ZBTB8A: variants seen among roughly 807,000 people sequenced by gnomAD.
ZBTB8A encodes the protein zinc finger and BTB domain-containing protein 8A.
A neutral mutation model predicts 37.8 loss-of-function variants in ZBTB8A; 19 were observed. The ratio of observed to expected loss-of-function variants is 0.50; its 90% CI spans 0.35 to 0.74. The LOEUF is 0.74. Ranked by LOEUF, ZBTB8A falls within the 30% of genes least tolerant of loss-of-function variation. ZBTB8A has a pLI of 0.01. For missense variants in ZBTB8A, 394 were observed against 537.8 expected (o/e 0.73, Z 2.65); for synonymous variants, 181 against 185.2 (o/e 0.98, Z 0.19).
In ZBTB8A at chr1:32,595,230, A is replaced by G. The variant is rs1644520991; in HGVS notation, c.993+7A>G. The G allele has an allele frequency of 6.3e-7, 1 of 1,598,316 alleles. No individual in the cohort carries two copies. Among genetic ancestry groups the G allele is most frequent in the South Asian group, 1.1e-5 (1 of 89,162 alleles). On this transcript the variant is annotated splice_region_variant and intron_variant, in intron 4 of 4. Transcript: ENST00000373510. ...AAGTAGCCATTTTCGAACAGTATGT[A>G]TGATTTTTTTTCATCGTTTTACTAA...
At position 32,568,974 on chromosome 1, in the gene ZBTB8A, A is replaced by G. The variant is rs78869290; in HGVS notation, c.-2+15434A>G. Among the ~76,000 whole-genome samples the G allele has an allele frequency of 3.7e-3, 565 of 152,306 alleles. 7 individuals carry two copies. The East Asian group carries it at 0.043, about 12-fold the overall frequency. ...AGTCATGTGTTTTCATTTCTCTTGT[A>G]TAAATACCTAGGAGTGGAACTGCCA... On this transcript the variant is annotated intron_variant, in intron 2 of 4. Coordinates refer to ENST00000373510, the MANE Select transcript of ZBTB8A (RefSeq NM_001040441.3).
chr1:32,546,449 A>C (rs1416691051), intron 1 of ZBTB8A, among the ~76,000 whole-genome samples: 1 of 150,056 alleles, frequency 6.7e-6, no homozygotes, highest in Non-Finnish European at 1.5e-5. Context: ...GTCTCAAAAA[A>C]AAAAATAAAT....
At chr1:32,574,652 G>T (rs763168712) in intron 2 of ZBTB8A, among the ~76,000 whole-genome samples, 1 of 152,080 alleles carries the variant, frequency 6.6e-6, no homozygotes, top group African/African-American at 2.4e-5. Flanking sequence ...ATGGCTCAGG[G>T]TATGGTCTAT....
chr1:32,586,176 C>T (rs1179480929), intron 2 of ZBTB8A, among the ~76,000 whole-genome samples: 4 of 149,746 alleles, frequency 2.7e-5, no homozygotes, highest in South Asian at 2.1e-4. Context: ...CAAAATTAAC[C>T]GGGGTGGTGG....
rs777756458 is a variant in ZBTB8A at position 32,593,363 on chromosome 1, T to C, written c.432T>C (p.Gly144=). ...CAGATAAAGATGCCAATTCTAATGG[T>C]GTAGAACGTTCCTCTTTTTATAGTG... The part of the protein sequence containing the change: ...SLSDKDANSN[G]VERSSFYSGG... Residue 144 remains glycine (G), a synonymous_variant, in exon 3 of 5, where the codon GGT becomes GGC. Coordinates refer to ENST00000373510, the MANE Select transcript of ZBTB8A (RefSeq NM_001040441.3). 6 of 1,614,044 alleles carry C rather than the reference T, an allele frequency of 3.7e-6. No individual in the cohort carries two copies. The highest frequency in any genetic ancestry group is 4.5e-5 in the East Asian group (2 of 44,900).
rs111913540 is a variant in ZBTB8A at position 32,575,269 on chromosome 1, G to A, written c.-1-17662G>A. 1.3e-3 allele frequency among the ~76,000 whole-genome samples: 151 copies of A among 117,618 alleles called. 1 individual carries two copies. Among genetic ancestry groups the A allele is most frequent in the African/African-American group, 4.9e-3 (144 of 29,426 alleles). 77.2% of individuals were successfully genotyped at this position (117,618 alleles called of 152,430 possible). On this transcript the variant is annotated intron_variant, in intron 2 of 4. Coordinates refer to ENST00000373510, the MANE Select transcript of ZBTB8A (RefSeq NM_001040441.3). ...TTTGAGACAGTTTCGCTCTTTCCCCGAGGCTGGAGTGCAGTGGCACAATGT... is the reference window on the plus strand; with the variant it reads ...TTTGAGACAGTTTCGCTCTTTCCCCAAGGCTGGAGTGCAGTGGCACAATGT...
At chr1:32,585,600 G>C (rs966415922) in intron 2 of ZBTB8A, among the ~76,000 whole-genome samples, 10 of 152,128 alleles carry the variant, frequency 6.6e-5, no homozygotes, top group African/African-American at 2.4e-4. Context: ...ACATTATAAA[G>C]ATGTGAATTC....
chr1:32,553,827 G>A (rs556136349), intron 2 of ZBTB8A, among the ~76,000 whole-genome samples: 42 of 149,486 alleles, frequency 2.8e-4, no homozygotes, highest in South Asian at 1.3e-3. Flanking sequence ...TGGAGGTTGC[G>A]GTGAACCAAG....
chr1:32,600,699 C>T lies in ZBTB8A; in HGVS notation c.*280C>T. 1 of 272,918 alleles carries T rather than the reference C, an allele frequency of 3.7e-6. No individual in the cohort carries two copies. 16.9% of individuals were successfully genotyped at this position (272,918 alleles called of 1,614,324 possible). On this transcript the variant is annotated 3_prime_UTR_variant, in exon 5 of 5. Transcript: ENST00000373510. The stretch of plus-strand genomic sequence containing the variant: ...TCATTACAATCCTCTTACTTTATTC[C>T]AGAGATACCTTTTTCTTTTAATATT...
At position 32,591,825 on chromosome 1, in the gene ZBTB8A, TG is replaced by T. The variant is rs937906182; in HGVS notation, c.-1-1105del. On this transcript the variant is annotated intron_variant, in intron 2 of 4. Coordinates refer to ENST00000373510, the MANE Select transcript of ZBTB8A (RefSeq NM_001040441.3). ...TTCTAAAATCTAATAACGGTCTAGT[TG>T]TTTTTTTGTTTTTTGTTTGTTTGTT... 7.4e-4 allele frequency among the ~76,000 whole-genome samples: 113 copies of T among 152,122 alleles called. 1 individual carries two copies. The highest frequency in any genetic ancestry group is 2.5e-3 in the African/African-American group (104 of 41,506).
chr1:32,559,523 G>A (rs1457261048), intron 2 of ZBTB8A, among the ~76,000 whole-genome samples: 2 of 152,084 alleles, frequency 1.3e-5, no homozygotes, highest in East Asian at 3.9e-4. Flanking sequence ...GAGTGCAGTG[G>A]CATGATCACG....
intron 2 of ZBTB8A, among the ~76,000 whole-genome samples, chr1:32,592,286 T>A (rs182666162): frequency 3.7e-4 from 56 of 151,918 alleles, no homozygotes; most frequent in African/African-American, 1.3e-3. Flanking sequence ...AAAAGGATTG[T>A]TCATTTTGGG....
intron 1 of ZBTB8A, 101 bp downstream of exon 1, chr1:32,539,673 G>A (rs1051248534): frequency 9.4e-4 from 8 of 8,488 alleles, no homozygotes; most frequent in African/African-American, 2.5e-3. Flanking sequence ...CCGGGCGGCG[G>A]CAGTGCTGGG....
At chr1:32,547,443 T>C (rs1366320982) in intron 1 of ZBTB8A, among the ~76,000 whole-genome samples, 1 of 150,026 alleles carries the variant, frequency 6.7e-6, no homozygotes, top group African/African-American at 2.4e-5. Context: ...AGCCTCGAAC[T>C]CCTGGGCTCA....
chr1:32,551,701 C>A (rs1644157397), intron 1 of ZBTB8A, among the ~76,000 whole-genome samples: 1 of 152,068 alleles, frequency 6.6e-6, no homozygotes, highest in Admixed American at 6.6e-5. Context: ...AAGAGCGAAA[C>A]TCCATCTAAA....
At chr1:32,567,605 T>C (rs903129631) in intron 2 of ZBTB8A, among the ~76,000 whole-genome samples, 27 of 150,110 alleles carry the variant, frequency 1.8e-4, no homozygotes, top group Non-Finnish European at 3.3e-4. Context: ...CCATCCTGGC[T>C]AACACGGTGA....
chr1:32,592,816 C>G lies in ZBTB8A; in HGVS notation c.-1-115C>G, dbSNP rs1176704291. 4 of 860,562 alleles carry G rather than the reference C, an allele frequency of 4.6e-6. No homozygotes were observed. In the Admixed American group the frequency reaches 1.2e-4, roughly 25 times the overall value. 53.3% of individuals were successfully genotyped at this position (860,562 alleles called of 1,614,324 possible). A position where few individuals can be genotyped will look rare whatever the true frequency, so the allele number is the denominator to read the frequency against. ...AGCCACTGTGCCCAGCCACAGTGAG[C>G]TTTGATCACACCACTGCACTGCAGC... On this transcript the variant is annotated intron_variant, in intron 2 of 4. Coordinates refer to ENST00000373510, the MANE Select transcript of ZBTB8A (RefSeq NM_001040441.3).
In ZBTB8A at chr1:32,601,076, T is replaced by C. The variant is rs1644572151; in HGVS notation, c.*657T>C. On this transcript the variant is annotated 3_prime_UTR_variant, in exon 5 of 5. Coordinates refer to ENST00000373510, the MANE Select transcript of ZBTB8A (RefSeq NM_001040441.3). Reference sequence around the variant, plus strand: ...GTTAAAAAAAAAAAAAAGTAGAGGCTGGCCAAAGATTATATACAGATATTT... The same window carrying C: ...GTTAAAAAAAAAAAAAAGTAGAGGCCGGCCAAAGATTATATACAGATATTT... 6.6e-6 allele frequency: 1 copy of C among 150,786 alleles called. No homozygotes were observed. 9.3% of individuals were successfully genotyped at this position (150,786 alleles called of 1,614,324 possible).
intron 1 of ZBTB8A, among the ~76,000 whole-genome samples, chr1:32,549,979 A>G (rs1472345330): frequency 6.6e-6 from 1 of 152,196 alleles, no homozygotes; most frequent in African/African-American, 2.4e-5. Flanking sequence ...AGAACATCTC[A>G]TTGATAGGCC....
Sources: allele counts gnomAD v4.1 joint callset (sites outside exome capture counted in the v4.1 genomes callset), GRCh38; gene constraint gnomAD v4.1.1; transcripts MANE v1.5; gene names NCBI Gene and HGNC (gene_info 2026-07-23, HGNC 2026-07-21).